Variants in GPRIN3 observed in about 807,000 individuals in gnomAD.
GPRIN3 encodes the protein GPRIN family member 3.
GPRIN3 carries 12 observed loss-of-function variants against 13.7 expected under a neutral mutation model. The ratio of observed to expected loss-of-function variants is 0.87; its 90% CI spans 0.56 to 1.42. The LOEUF is 1.42. GPRIN3 is among the 40% of genes most tolerant of loss of function. GPRIN3 has a pLI of 0.00. For synonymous variants in GPRIN3, 377 were observed against 372.7 expected (o/e 1.01, Z -0.13); for missense variants, 1,009 against 958.7 (o/e 1.05, Z -0.69).
rs137951842 is a variant in GPRIN3, at chr4:89,267,424, A to G, written c.-123-17191T>C. Among the ~76,000 whole-genome samples the G allele has an allele frequency of 7.0e-3, 1,070 of 152,288 alleles. 6 individuals carry two copies. Among genetic ancestry groups the G allele is most frequent in the Non-Finnish European group, 0.012 (805 of 68,030 alleles). On this transcript the variant is annotated intron_variant, in intron 1 of 1. Transcript: ENST00000609438. ...ATAATTAGGCTGTACTAGATATCTG[A>G]GAAGAAATCTGGGATTAGACCTGCC...
intron 1 of GPRIN3, among the ~76,000 whole-genome samples, chr4:89,280,847 G>A (rs1006013740): frequency 1.3e-5 from 2 of 152,122 alleles, no homozygotes; most frequent in Non-Finnish European, 2.9e-5. Flanking sequence ...AAAATGCCAA[G>A]GATTGCTGGC....
intron 1 of GPRIN3, among the ~76,000 whole-genome samples, chr4:89,278,651 C>A (rs73846112): frequency 0.041 from 6,203 of 152,298 alleles, 420 homozygotes; most frequent in African/African-American, 0.14. Flanking sequence ...CCTTTCTAAG[C>A]ACTGGACTCA....
rs111887182 is a variant in GPRIN3 at position 89,268,703 on chromosome 4, C to T, written c.-123-18470G>A. ...GTGTAGAAAGATGGGAATAGCAGGC[C>T]CACAATCAATTGTGTGGTGGAGCTG... On this transcript the variant is annotated intron_variant, in intron 1 of 1. Transcript: ENST00000609438. 2.0e-3 allele frequency among the ~76,000 whole-genome samples: 305 copies of T among 152,198 alleles called. 12 individuals carry two copies. In the South Asian group the frequency reaches 0.056, roughly 28 times the overall value.
At chr4:89,279,481 C>G (rs1295121664) in intron 1 of GPRIN3, among the ~76,000 whole-genome samples, 2 of 152,172 alleles carry the variant, frequency 1.3e-5, no homozygotes, top group Admixed American at 1.3e-4. Flanking sequence ...GCTTTCCTTA[C>G]AACTCAACTT....
In GPRIN3 at chr4:89,249,024, G is replaced by A. The variant is rs752685664; in HGVS notation, c.1087C>T (p.His363Tyr). Residue 363 changes from histidine (H) to tyrosine (Y), a missense_variant, in exon 2 of 2, where the codon CAC becomes TAC. His to Tyr is a moderately conservative substitution (Grantham distance 83). Coordinates refer to ENST00000609438, the MANE Select transcript of GPRIN3 (RefSeq NM_198281.3). Reference protein sequence around the residue: ...FEQEQLRVICHSSGSHTLELS... With the variant: ...FEQEQLRVICYSSGSHTLELS... ...TCCAGTGTGTGGCTCCCACTGCTGT[G>A]GCAAATGACACGCAGCTGCTCTTGT... The A allele has an allele frequency of 3.1e-6, 5 of 1,614,176 alleles. No homozygotes were observed. In the South Asian group the frequency reaches 3.3e-5, roughly 11 times the overall value.
In GPRIN3 at chr4:89,278,713, T is replaced by C. The variant is rs78126217; in HGVS notation, c.-123-28480A>G. Among the ~76,000 whole-genome samples, 1,292 of 152,316 alleles carry C rather than the reference T, an allele frequency of 8.5e-3. 9 individuals are homozygous for C. Among genetic ancestry groups the C allele is most frequent in the Non-Finnish European group, 0.015 (989 of 68,022 alleles). On this transcript the variant is annotated intron_variant, in intron 1 of 1. Transcript: ENST00000609438. ...GTAGGTACTGCTATTAGCCCCACTT[T>C]ACAGATGAGGAAGCCAAGGCACATA...
chr4:89,279,732 C>G (rs917058977), intron 1 of GPRIN3, among the ~76,000 whole-genome samples: 2 of 152,216 alleles, frequency 1.3e-5, no homozygotes, highest in African/African-American at 4.8e-5. Flanking sequence ...GCGCTAGGCT[C>G]TTACTTGGTT....
In GPRIN3 at chr4:89,248,044, C is replaced by G; in HGVS notation, c.2067G>C (p.Gln689His). ...CACCATACACTTCCCAGGTCATTCC[C>G]TGCTCATCCCACACGACGTCCCTGA... ...KRVRDVVWDE[Q>H]GMTWEVYGAS... Residue 689 changes from glutamine to histidine, a missense_variant, in exon 2 of 2, where the codon CAG becomes CAC. By Grantham distance (24) the Gln-to-His change is conservative. Coordinates refer to ENST00000609438, the MANE Select transcript of GPRIN3 (RefSeq NM_198281.3). The G allele has an allele frequency of 6.2e-7, 1 of 1,614,130 alleles. No homozygotes were observed. The highest frequency in any genetic ancestry group is 1.1e-5 in the South Asian group (1 of 91,088).
intron 1 of GPRIN3, among the ~76,000 whole-genome samples, chr4:89,301,645 A>G (rs1209986347): frequency 6.6e-6 from 1 of 152,234 alleles, no homozygotes; most frequent in East Asian, 1.9e-4. Context: ...CTGAAAAACA[A>G]TCAAGAATCT....
intron 1 of GPRIN3, among the ~76,000 whole-genome samples, chr4:89,281,726 T>C (rs1016887731): frequency 6.6e-6 from 1 of 152,190 alleles, no homozygotes; most frequent in Non-Finnish European, 1.5e-5. Flanking sequence ...CACATTTCTG[T>C]TGTTTTAAGC....
Position 89,244,935 on chromosome 4 carries a change from A to G in GPRIN3, c.*2845T>C, listed in dbSNP as rs1206810168. ...GTAAAACCAAACAACTTTCAACCCAATGTGTGTCATGCAGGTAAAGTAAGG... is the reference window on the plus strand; with the variant it reads ...GTAAAACCAAACAACTTTCAACCCAGTGTGTGTCATGCAGGTAAAGTAAGG... On this transcript the variant is annotated 3_prime_UTR_variant, in exon 2 of 2. Transcript: ENST00000609438. 1 of 152,206 alleles carries G rather than the reference A, an allele frequency of 6.6e-6. No homozygotes were observed. The highest frequency in any genetic ancestry group is 1.5e-5 in the Non-Finnish European group (1 of 68,020). The allele number at this position is 152,206 out of a possible 1,614,324, so 9.4% of individuals were successfully genotyped here. A position where few individuals can be genotyped will look rare whatever the true frequency, so the allele number is the denominator to read the frequency against.
rs1186419925 is a variant in GPRIN3 at position 89,243,400 on chromosome 4, AT to A, written c.*4379del. 6.6e-6 allele frequency: 1 copy of A among 152,224 alleles called. No homozygotes were observed. The highest frequency in any genetic ancestry group is 1.5e-5 in the Non-Finnish European group (1 of 68,036). The allele number at this position is 152,224 out of a possible 1,614,324, so 9.4% of individuals were successfully genotyped here. A position where few individuals can be genotyped will look rare whatever the true frequency, so the allele number is the denominator to read the frequency against. On this transcript the variant is annotated 3_prime_UTR_variant, in exon 2 of 2. Transcript: ENST00000609438. ...CAGGAGATTCAGCATATCCTCTGTTATTTGCCAGGTGGCAGCAGCTGACCCG... is the reference window on the plus strand; with the variant it reads ...CAGGAGATTCAGCATATCCTCTGTTATTGCCAGGTGGCAGCAGCTGACCCG...
chr4:89,269,808 T>A (rs1247684037), intron 1 of GPRIN3, among the ~76,000 whole-genome samples: 1 of 152,180 alleles, frequency 6.6e-6, no homozygotes, highest in African/African-American at 2.4e-5. Context: ...TTTGAGCACA[T>A]AACCGGTGCT....
At position 89,248,677 on chromosome 4, in the gene GPRIN3, T is replaced by G; in HGVS notation, c.1434A>C (p.Gln478His). The change falls in exon 2 of 2, where the codon CAA (glutamine) becomes CAC (histidine). Residue 478 changes from glutamine (Q) to histidine (H), a missense_variant. Physicochemically the swap from Gln to His is conservative, Grantham distance 24 (BLOSUM62 0). Coordinates refer to ENST00000609438, the MANE Select transcript of GPRIN3 (RefSeq NM_198281.3). The stretch of plus-strand genomic sequence containing the variant: ...TCCCCAATCCATAACTTGTTTCAGC[T>G]TGACTGCATGCACTGATAGAAATCT... ...IDQISISACS[Q>H]AETSYGLGKF... The G allele has an allele frequency of 1.2e-6, 2 of 1,614,208 alleles. No individual in the cohort carries two copies. The highest frequency in any genetic ancestry group is 1.7e-6 in the Non-Finnish European group (2 of 1,180,032).
At chr4:89,288,723 A>G (rs1475236216) in intron 1 of GPRIN3, among the ~76,000 whole-genome samples, 1 of 152,190 alleles carries the variant, frequency 6.6e-6, no homozygotes, top group East Asian at 1.9e-4. Flanking sequence ...TTATGCAGCA[A>G]ATTTAGCCTA....
intron 1 of GPRIN3, among the ~76,000 whole-genome samples, chr4:89,275,756 CTTTG>C (rs1724075204): frequency 6.6e-6 from 1 of 152,114 alleles, no homozygotes; most frequent in Non-Finnish European, 1.5e-5. Flanking sequence ...TGAAGTAGAC[CTTTG>C]TTTGCCTCCT....
intron 1 of GPRIN3, among the ~76,000 whole-genome samples, chr4:89,268,941 A>G (rs1167659278): frequency 6.6e-6 from 1 of 152,236 alleles, no homozygotes; most frequent in East Asian, 1.9e-4. Context: ...GTGAAGTATT[A>G]CATAACCCTT....
At chr4:89,290,044 C>T (rs896291406) in intron 1 of GPRIN3, among the ~76,000 whole-genome samples, 1 of 151,358 alleles carries the variant, frequency 6.6e-6, no homozygotes, top group African/African-American at 2.4e-5. Context: ...CACTCTGTCA[C>T]CCAGGCTGGA....
chr4:89,257,583 T>C (rs1723502570), intron 1 of GPRIN3, among the ~76,000 whole-genome samples: 2 of 152,218 alleles, frequency 1.3e-5, no homozygotes, highest in African/African-American at 4.8e-5. Flanking sequence ...AGATCTGGAA[T>C]CTGAGGCAAG....
Sources: gnomAD v4.1 joint callset for allele counts (sites outside exome capture counted in the v4.1 genomes callset) on GRCh38, gnomAD v4.1.1 for gene constraint, MANE v1.5 for transcripts, NCBI Gene and HGNC (gene_info 2026-07-23, HGNC 2026-07-21) for gene names.